EP400: variants seen among roughly 807,000 people sequenced by gnomAD.
EP400 encodes the protein E1A binding protein p400.
EP400 carries 105 observed loss-of-function variants against 354.1 expected under a neutral mutation model. That is an observed-to-expected ratio of 0.30 (90% CI 0.25 to 0.35). The LOEUF is 0.35. Ranked by LOEUF, EP400 falls within the 10% of genes least tolerant of loss-of-function variation. The pLI, the probability that EP400 is intolerant of heterozygous loss-of-function variation, is 1.00. For missense variants in EP400, 3,280 were observed against 4,121.0 expected, an observed-to-expected ratio of 0.80 and a Z score of 5.59; for synonymous variants, 1,646 against 1,716.9, an observed-to-expected ratio of 0.96 and a Z score of 1.02.
Position 131,990,723 on chromosome 12 carries a change from C to T in EP400, c.2629+9C>T. ...GAAAGTTTCCAGGAGAGGTAGGACC[C>T]TTTAAAAAAAGGCTCACCACGCTTG... On this transcript the variant is annotated intron_variant, in intron 9 of 52. Transcript: ENST00000389561. This position sits in a 1 kb window ranked among gnomAD's most constrained non-coding sequence, Gnocchi z 4.2. The T allele has an allele frequency of 6.3e-7, 1 of 1,595,640 alleles. No homozygotes were observed. Among genetic ancestry groups the T allele is most frequent in the Non-Finnish European group, 8.5e-7 (1 of 1,171,692 alleles).
Position 132,006,243 on chromosome 12 carries a change from G to T in EP400, c.3067G>T (p.Asp1023Tyr). The T allele has an allele frequency of 6.2e-7, 1 of 1,614,240 alleles. No homozygotes were observed. The highest frequency in any genetic ancestry group is 8.5e-7 in the Non-Finnish European group (1 of 1,180,048). ...IGKPNAKDIA[D>Y]VTAVAEAILP... ...GAAGCCAAACGCCAAGGACATTGCG[G>T]ACGTCACTGCGGTGGCTGAAGCCAT... is the stretch of plus-strand genomic sequence containing the variant. The change falls in exon 14 of 53, where the codon GAC (aspartate) becomes TAC (tyrosine). Residue 1023 changes from aspartate (D) to tyrosine (Y), a missense_variant. Around this residue, in one of 20 missense-constraint regions of EP400, gnomAD observed 800 missense variants for 840.0 expected, o/e 0.95. Transcript: ENST00000389561.
intron 51 of EP400, among the ~76,000 whole-genome samples, chr12:132,072,151 G>A (rs935825795): frequency 3.3e-5 from 5 of 152,132 alleles, no homozygotes; most frequent in Non-Finnish European, 7.4e-5. Context: ...TCTGAGACGC[G>A]CTCCTGCTTG....
In EP400 at chr12:132,027,632, T is replaced by G. The variant is rs908032178; in HGVS notation, c.5109+101T>G. On this transcript the variant is annotated intron_variant, in intron 26 of 52. Transcript: ENST00000389561. The surrounding 1 kb of genome is among the most constrained non-coding windows in gnomAD (Gnocchi z 4.9). ...GATATTTAAAGGCTCCTGTGAATTC[T>G]CAAGTGATGTTACTGAATTCTTATT... is the stretch of plus-strand genomic sequence containing the variant. 2 of 921,068 alleles carry G rather than the reference T, an allele frequency of 2.2e-6. No individual in the cohort carries two copies. Among genetic ancestry groups the G allele is most frequent in the African/African-American group, 1.7e-5 (1 of 59,820 alleles). 57.1% of individuals were successfully genotyped at this position (921,068 alleles called of 1,614,324 possible).
rs762542499 is a variant in EP400 at position 132,044,828 on chromosome 12, ACGACAG to A, written c.6665_6670del (p.Ser2222_Asp2223del). On this transcript the variant is annotated inframe_deletion, in exon 37 of 53. Coordinates refer to ENST00000389561, the MANE Select transcript of EP400 (RefSeq NM_015409.5). ...TGGACCCCACCCACCCCGCCGCAGG[ACGACAG>A]CGACATCTACCTCGACTCGGTCATG... The A allele has an allele frequency of 5.6e-6, 9 of 1,614,102 alleles. No individual in the cohort carries two copies. The South Asian group carries it at 6.6e-5, about 12-fold the overall frequency.
intron 4 of EP400, 147 bp from the exon 5 acceptor site, chr12:131,981,944 TTG>T: frequency 1.9e-6 from 2 of 1,066,178 alleles, no homozygotes; most frequent in Non-Finnish European, 2.7e-6. Context: ...CTCTTTCCTT[TTG>T]TGTGTGCTCG....
chr12:132,020,263 TG>T, intron 22 of EP400, 45 bp downstream of exon 22: 1 of 1,528,860 alleles, frequency 6.5e-7, no homozygotes, highest in Non-Finnish European at 8.8e-7. Flanking sequence ...TGGAGGTTTT[TG>T]TGGGACAAGT....
chr12:132,038,141 C>A lies in EP400; in HGVS notation c.6207+45C>A. 6.2e-7 allele frequency: 1 copy of A among 1,609,520 alleles called. No individual in the cohort carries two copies. The highest frequency in any genetic ancestry group is 8.5e-7 in the Non-Finnish European group (1 of 1,177,092). ...GGCTGAAGAGTTGCACGGTGGGAGCCGGCGGAACACCTGCACCCTCCCCCA... is the reference window on the plus strand; with the variant it reads ...GGCTGAAGAGTTGCACGGTGGGAGCAGGCGGAACACCTGCACCCTCCCCCA... On this transcript the variant is annotated intron_variant, in intron 32 of 52. Coordinates refer to ENST00000389561, the MANE Select transcript of EP400 (RefSeq NM_015409.5). The surrounding 1 kb of genome is among the most constrained non-coding windows in gnomAD (Gnocchi z 4.2).
rs975269449 is a variant in EP400 at position 131,973,529 on chromosome 12, G to C, written c.1336-6165G>C. 3.9e-5 allele frequency among the ~76,000 whole-genome samples: 6 copies of C among 152,172 alleles called. No homozygotes were observed. The East Asian group carries it at 7.7e-4, about 20-fold the overall frequency. ...GTGGTGGCGTGTTCCCGTACTCCCA[G>C]CTACTTGAGAGGCTGAGGCAGGAGA... On this transcript the variant is annotated intron_variant, in intron 2 of 52. Transcript: ENST00000389561.
rs770645247 is a variant in EP400 at position 132,038,008 on chromosome 12, C to G, written c.6119C>G (p.Pro2040Arg). 1 of 1,614,212 alleles carries G rather than the reference C, an allele frequency of 6.2e-7. No homozygotes were observed. Among genetic ancestry groups the G allele is most frequent in the Non-Finnish European group, 8.5e-7 (1 of 1,180,034 alleles). Residue 2040 changes from proline (P) to arginine (R), a missense_variant, in exon 32 of 53, where the codon CCG becomes CGG. Physicochemically the swap from Pro to Arg is moderately radical, Grantham distance 103. Around this residue, in one of 20 missense-constraint regions of EP400, gnomAD observed 60 missense variants for 109.9 expected, o/e 0.55. Coordinates refer to ENST00000389561, the MANE Select transcript of EP400 (RefSeq NM_015409.5). This position sits in a 1 kb window ranked among gnomAD's most constrained non-coding sequence, Gnocchi z 4.2. ...VYSPMDDAGF[P>R]VKAEEFVVLS... ...TCTCCCATGGATGATGCTGGCTTCC[C>G]GGTCAAAGCTGAGGAGTTTGTGGTG...
chr12:131,963,080 AC>A (rs1392234039), intron 2 of EP400, among the ~76,000 whole-genome samples: 1 of 152,176 alleles, frequency 6.6e-6, no homozygotes, highest in Non-Finnish European at 1.5e-5. Flanking sequence ...CATTTCTGTT[AC>A]GTTTGTATAC....
intron 24 of EP400, among the ~76,000 whole-genome samples, chr12:132,024,593 T>G (rs1313776796): frequency 1.3e-5 from 2 of 152,216 alleles, no homozygotes; most frequent in African/African-American, 4.8e-5. Flanking sequence ...GGAGAGGAAT[T>G]GAGTGGCGCC....
chr12:131,986,373 T>C (rs1018435223), intron 5 of EP400, 141 bp from the exon 6 acceptor site: 11 of 754,680 alleles, frequency 1.5e-5, no homozygotes, highest in Non-Finnish European at 2.4e-5. Flanking sequence ...GTGGATACGA[T>C]GTGATTTGTC....
Position 132,062,606 on chromosome 12 carries a change from C to T in EP400, c.8239C>T (p.Gln2747Ter). ...QQQQQQQQQQ[Q>*]QTTTTSQVQV... Reference sequence around the variant, plus strand: ...GCAGCAGCAGCAACAGCAGCAGCAGCAACAGACGACGACGACCTCTCAGGT... The same window carrying T: ...GCAGCAGCAGCAACAGCAGCAGCAGTAACAGACGACGACGACCTCTCAGGT... Residue 2747 changes from glutamine to a stop codon, truncating the protein, a stop_gained, in exon 47 of 53, where the codon CAA (glutamine) becomes TAA (stop). Transcript: ENST00000389561. LOFTEE classifies it high-confidence loss of function. 6.2e-7 allele frequency: 1 copy of T among 1,614,054 alleles called. No homozygotes were observed. Among genetic ancestry groups the T allele is most frequent in the Non-Finnish European group, 8.5e-7 (1 of 1,180,012 alleles).
intron 2 of EP400, among the ~76,000 whole-genome samples, chr12:131,974,587 T>C (rs1892403974): frequency 6.6e-6 from 1 of 152,190 alleles, no homozygotes; most frequent in Non-Finnish European, 1.5e-5. Context: ...AGCTCTGTTT[T>C]GGTATTGTCT....
intron 5 of EP400, among the ~76,000 whole-genome samples, chr12:131,985,476 C>T (rs1404276640): frequency 6.6e-6 from 1 of 152,234 alleles, no homozygotes; most frequent in African/African-American, 2.4e-5. Context: ...TGTCTCCCTT[C>T]AGCTTTTGAA....
chr12:132,070,847 C>T lies in EP400; in HGVS notation c.9021+1206C>T, dbSNP rs1201761662. Among the ~76,000 whole-genome samples the T allele has an allele frequency of 6.6e-6, 1 of 152,092 alleles. No homozygotes were observed. The highest frequency in any genetic ancestry group is 2.4e-5 in the African/African-American group (1 of 41,406). On this transcript the variant is annotated intron_variant, in intron 51 of 52. Transcript: ENST00000389561. The surrounding 1 kb of genome is among the most constrained non-coding windows in gnomAD (Gnocchi z 4.1). ...TTTGTAAATGGTATGCTTTTAATTT[C>T]CATTTTCTGTCTCTGGCTGTTGTAC...
chr12:131,984,045 C>T (rs1892771007), intron 5 of EP400, among the ~76,000 whole-genome samples: 2 of 152,134 alleles, frequency 1.3e-5, no homozygotes, highest in South Asian at 2.1e-4. Context: ...GGATTATAGG[C>T]ATGTTGCCAC....
At chr12:131,983,461 A>G (rs990280115) in intron 5 of EP400, among the ~76,000 whole-genome samples, 1 of 152,140 alleles carries the variant, frequency 6.6e-6, no homozygotes, top group Non-Finnish European at 1.5e-5. Context: ...TCCACAGTAA[A>G]CTGGTTTCGG....
Position 132,050,664 on chromosome 12 carries a change from C to T in EP400, c.7394+9C>T. On this transcript the variant is annotated intron_variant, in intron 41 of 52. Coordinates refer to ENST00000389561, the MANE Select transcript of EP400 (RefSeq NM_015409.5). The surrounding 1 kb of genome is among the most constrained non-coding windows in gnomAD (Gnocchi z 4.8). The stretch of plus-strand genomic sequence containing the variant: ...TCTGTGTTGGCAGAAAGGTATTTCT[C>T]TATTCGTGACACATTTGTTACTGTT... 4 of 1,614,222 alleles carry T rather than the reference C, an allele frequency of 2.5e-6. No homozygotes were observed. The highest frequency in any genetic ancestry group is 2.5e-6 in the Non-Finnish European group (3 of 1,180,014).
Sources: gnomAD v4.1 joint callset for allele counts (sites outside exome capture counted in the v4.1 genomes callset) on GRCh38, gnomAD v4.1.1 for gene constraint, gnomAD v4.1.1 regional missense constraint, Gnocchi (gnomAD v3.1) non-coding constraint, MANE v1.5 for transcripts, NCBI Gene and HGNC (gene_info 2026-07-23, HGNC 2026-07-21) for gene names.